CRYBG2: variants seen among roughly 807,000 people sequenced by gnomAD.
CRYBG2 encodes crystallin beta-gamma domain containing 2.
A neutral mutation model predicts 153.4 loss-of-function variants in CRYBG2; 106 were observed. That is an observed-to-expected ratio of 0.69 (90% CI 0.59 to 0.81). The LOEUF is 0.81. Ranked by LOEUF, CRYBG2 falls within the 30% of genes least tolerant of loss-of-function variation. CRYBG2 has a pLI of 0.00. For missense variants in CRYBG2, 1,996 were observed against 2,112.0 expected (o/e 0.95, Z 1.08); for synonymous variants, 851 against 877.8 (o/e 0.97, Z 0.54).
chr1:26,338,782 C>T (rs1367252211), intron 6 of CRYBG2, among the ~76,000 whole-genome samples: 1 of 152,202 alleles, frequency 6.6e-6, no homozygotes, highest in Non-Finnish European at 1.5e-5. Context: ...AATCTGGCCT[C>T]TTCCTTCTCC....
chr1:26,329,741 T>G (rs7522267), intron 15 of CRYBG2, among the ~76,000 whole-genome samples: 120,636 of 151,826 alleles, frequency 0.79, 48,602 homozygotes, highest in Middle Eastern at 0.84. Context: ...TGAAGTGCTA[T>G]AATTTATTTA....
At position 26,343,017 on chromosome 1, in the gene CRYBG2, C is replaced by G. The variant is rs1469666872; in HGVS notation, c.3074+30G>C. The G allele has an allele frequency of 6.5e-7, 1 of 1,538,386 alleles. No individual in the cohort carries two copies. Among genetic ancestry groups the G allele is most frequent in the East Asian group, 2.5e-5 (1 of 40,712 alleles). On this transcript the variant is annotated intron_variant, in intron 4 of 19. Transcript: ENST00000308182. This position sits in a 1 kb window ranked among gnomAD's most constrained non-coding sequence, Gnocchi z 4.1. ...CTCTGCATCCCCCCAGGTTCACAGC[C>G]AAGTGCCTTGCTGGGCACTCCCCAC...
Position 26,346,825 on chromosome 1 carries a change from C to T in CRYBG2, c.-55-113G>A. 3.1e-6 allele frequency: 2 copies of T among 640,094 alleles called. No homozygotes were observed. Among genetic ancestry groups the T allele is most frequent in the Admixed American group, 3.1e-5 (1 of 31,896 alleles). 39.7% of individuals were successfully genotyped at this position (640,094 alleles called of 1,614,324 possible). ...TGGGAACCTCAGGCAAATCGCTTGG[C>T]CTTTTTGGGCCATTGCTTTCTCATC... is the stretch of plus-strand genomic sequence containing the variant. On this transcript the variant is annotated intron_variant, in intron 1 of 19. Transcript: ENST00000308182. This position sits in a 1 kb window ranked among gnomAD's most constrained non-coding sequence, Gnocchi z 4.9.
At position 26,343,710 on chromosome 1, in the gene CRYBG2, A is replaced by C. The variant is rs1348031023; in HGVS notation, c.2913+35T>G. ...CTCAAGCCTTGACCCAGGTGAGGCC[A>C]GGCACCTCCCTTGCCCACCCGAGGC... is the stretch of plus-strand genomic sequence containing the variant. On this transcript the variant is annotated intron_variant, in intron 2 of 19. Coordinates refer to ENST00000308182, the MANE Select transcript of CRYBG2 (RefSeq NM_001039775.4). This position sits in a 1 kb window ranked among gnomAD's most constrained non-coding sequence, Gnocchi z 4.1. 1.8e-5 allele frequency: 26 copies of C among 1,441,154 alleles called. No homozygotes were observed. The highest frequency in any genetic ancestry group is 2.2e-5 in the Non-Finnish European group (24 of 1,095,340). The allele number at this position is 1,441,154 out of a possible 1,614,324, so 89.3% of individuals were successfully genotyped here.
rs1288706584 is a variant in CRYBG2 at position 26,336,670 on chromosome 1, T to G, written c.3974A>C (p.Tyr1325Ser). 1 of 1,557,118 alleles carries G rather than the reference T, an allele frequency of 6.4e-7. No homozygotes were observed. Among genetic ancestry groups the G allele is most frequent in the Non-Finnish European group, 8.7e-7 (1 of 1,150,210 alleles). Residue 1325 changes from tyrosine (Y) to serine (S), a missense_variant, in exon 12 of 20, where the codon TAT becomes TCT. Tyr to Ser is a moderately radical substitution (Grantham distance 144, BLOSUM62 -2). Coordinates refer to ENST00000308182, the MANE Select transcript of CRYBG2 (RefSeq NM_001039775.4). The surrounding 1 kb of genome is among the most constrained non-coding windows in gnomAD (Gnocchi z 4.9). The stretch of plus-strand genomic sequence containing the variant: ...AGCGCCCCAGTCCTCGCAGTTACGA[T>G]ACACGCCCTTCTCCAGCACGTACTG... ...GEQYVLEKGV[Y>S]RNCEDWGAGN...
intron 18 of CRYBG2, among the ~76,000 whole-genome samples, chr1:26,323,768 C>G (rs189514015): frequency 5.9e-5 from 9 of 152,242 alleles, no homozygotes; most frequent in African/African-American, 2.2e-4. Flanking sequence ...GCATGCACCA[C>G]CACACCCAGT....
intron 14 of CRYBG2, among the ~76,000 whole-genome samples, chr1:26,332,293 C>G (rs375700676): frequency 2.8e-4 from 34 of 122,882 alleles, no homozygotes; most frequent in Non-Finnish European, 6.5e-5. Flanking sequence ...GGCAACAGAG[C>G]GAGACTCCGT....
At chr1:26,327,056 G>A (rs900287112) in intron 17 of CRYBG2, 4 of 452,224 alleles carry the variant, frequency 8.8e-6, no homozygotes, top group Admixed American at 4.7e-5. Flanking sequence ...GGCTGGGGCT[G>A]GGCACAGTGG....
At chr1:26,340,387 A>G (rs947376131) in intron 5 of CRYBG2, among the ~76,000 whole-genome samples, 2 of 152,208 alleles carry the variant, frequency 1.3e-5, no homozygotes, top group Non-Finnish European at 2.9e-5. Flanking sequence ...GCTTGTAAGT[A>G]GCAGAGCAGT....
Position 26,324,154 on chromosome 1 carries a change from G to C in CRYBG2, c.4735C>G (p.Gln1579Glu), listed in dbSNP as rs142203406. The C allele has an allele frequency of 2.0e-4, 315 of 1,613,018 alleles. No homozygotes were observed. The highest frequency in any genetic ancestry group is 2.6e-4 in the Non-Finnish European group (304 of 1,179,722). ...TGTGCCAGCCCCTGTATCAGTACCT[G>C]GTTCTTCAGCAGCCCATCCTCGTAG... ...WYYEDGLLKNQMAPTMSLQVI... is the reference protein window; with the variant it reads ...WYYEDGLLKNEMAPTMSLQVI... The change falls in exon 18 of 20, where the codon CAG becomes GAG. Residue 1579 changes from glutamine (Q) to glutamate (E), a missense_variant and splice_region_variant. Physicochemically the swap from Gln to Glu is conservative, Grantham distance 29 (BLOSUM62 2). Transcript: ENST00000308182.
rs1319191564 is a variant in CRYBG2, at chr1:26,346,192, G to C, written c.466C>G (p.His156Asp). ...CCACTGGTGAGACCTACACCTGGGT[G>C]GGGACTTGGCTCTCGGGGCCCAGGC... ...PLPGPREPSP[H>D]PGVGLTSGSS... Residue 156 changes from histidine to aspartate, a missense_variant, in exon 2 of 20, where the codon CAC becomes GAC. Transcript: ENST00000308182. The surrounding 1 kb of genome is among the most constrained non-coding windows in gnomAD (Gnocchi z 4.9). 1 of 1,571,834 alleles carries C rather than the reference G, an allele frequency of 6.4e-7. No individual in the cohort carries two copies. The highest frequency in any genetic ancestry group is 8.6e-7 in the Non-Finnish European group (1 of 1,165,696).
rs367556153 is a variant in CRYBG2 at position 26,344,709 on chromosome 1, C to A, written c.1949G>T (p.Gly650Val). The A allele has an allele frequency of 2.0e-6, 3 of 1,534,172 alleles. No individual in the cohort carries two copies. The highest frequency in any genetic ancestry group is 2.6e-6 in the Non-Finnish European group (3 of 1,145,740). The change falls in exon 2 of 20, where the codon GGT becomes GTT. Residue 650 changes from glycine to valine, a missense_variant. Gly to Val is a moderately radical substitution (Grantham distance 109). Transcript: ENST00000308182. ...SSSIQKEAVQ[G>V]IAGSLAPPLT... The stretch of plus-strand genomic sequence containing the variant: ...GGGCGGGGCAAGGCTGCCTGCAATA[C>A]CCTGGACAGCCTCTTTTTGGATGCT...
intron 1 of CRYBG2, 132 bp downstream of exon 1, chr1:26,353,904 G>A (rs561850702): frequency 3.0e-4 from 121 of 398,598 alleles, no homozygotes; most frequent in Non-Finnish European, 4.8e-4. Flanking sequence ...GGTTGGAGCA[G>A]GGAGGGAAGG....
At chr1:26,352,464 CACCTACCCCTGA>C (rs1242710249) in intron 1 of CRYBG2, among the ~76,000 whole-genome samples, 6 of 152,110 alleles carry the variant, frequency 3.9e-5, no homozygotes, top group Non-Finnish European at 4.4e-5. Context: ...CCTTGAAATT[CACCTACCCCTGA>C]ACGTGGACAC....
At chr1:26,352,190 C>T (rs892806421) in intron 1 of CRYBG2, among the ~76,000 whole-genome samples, 1 of 152,096 alleles carries the variant, frequency 6.6e-6, no homozygotes, top group Non-Finnish European at 1.5e-5. Flanking sequence ...GTCACACAGA[C>T]GCAGGCACAG....
chr1:26,338,293 C>T (rs1020575818), intron 7 of CRYBG2, 58 bp downstream of exon 7: 1 of 1,536,710 alleles, frequency 6.5e-7, no homozygotes, highest in Non-Finnish European at 8.8e-7. Flanking sequence ...GGACCAGCTA[C>T]TTGGGACCAG....
chr1:26,342,959 T>A, intron 4 of CRYBG2, 76 bp from the exon 5 acceptor site: 1 of 1,575,664 alleles, frequency 6.3e-7, no homozygotes, highest in Non-Finnish European at 8.6e-7. Flanking sequence ...TGATGGGGTT[T>A]CTCCCAGGCT....
At chr1:26,324,485 A>C (rs2073899526) in intron 17 of CRYBG2, among the ~76,000 whole-genome samples, 175 bp from the exon 18 acceptor site, 1 of 127,384 alleles carries the variant, frequency 7.9e-6, no homozygotes, top group South Asian at 2.4e-4. Context: ...TACGGAGAGC[A>C]CATGTATCTC....
rs745949072 is a variant in CRYBG2, at chr1:26,339,433, TG to T, written c.3205-5del. 18 of 1,613,422 alleles carry T rather than the reference TG, an allele frequency of 1.1e-5. No homozygotes were observed. In the African/African-American group the frequency reaches 1.3e-4, roughly 12 times the overall value. On this transcript the variant is annotated splice_region_variant and splice_polypyrimidine_tract_variant and intron_variant, in intron 5 of 19. Coordinates refer to ENST00000308182, the MANE Select transcript of CRYBG2 (RefSeq NM_001039775.4). The stretch of plus-strand genomic sequence containing the variant: ...TGATTTCCGGGGTGCTGTAGTCCTG[TG>T]GAAGGAGGGGGAAAATTAAATATAG...
Sources: allele counts gnomAD v4.1 joint callset (sites outside exome capture counted in the v4.1 genomes callset), GRCh38; gene constraint gnomAD v4.1.1; non-coding constraint Gnocchi (gnomAD v3.1); transcripts MANE v1.5; gene names NCBI Gene and HGNC (gene_info 2026-07-23, HGNC 2026-07-21).